The following SLC22A24 variants were observed in gnomAD, a reference collection of about 807,000 sequenced individuals.
SLC22A24 encodes the protein steroid transmembrane transporter SLC22A24.
Under a neutral mutation model 49.8 loss-of-function variants are expected in SLC22A24, and 53 were observed. The observed-to-expected ratio is 1.06, with a 90% confidence interval of 0.85 to 1.34. The LOEUF (loss-of-function observed/expected upper bound fraction) is 1.34, where lower values mean the gene tolerates loss of function less well. SLC22A24 is among the 40% of genes most tolerant of loss of function. SLC22A24 has a pLI of 0.00. For missense variants in SLC22A24, 786 were observed against 675.9 expected (o/e 1.16, Z -1.81); for synonymous variants, 302 against 256.4 (o/e 1.18, Z -1.70).
chr11:63,104,079 G>A, intron 5 of SLC22A24, 96 bp downstream of exon 5: 1 of 1,287,066 alleles, frequency 7.8e-7, no homozygotes. Context: ...TCCACTCACA[G>A]AAGTCTAATT....
chr11:63,119,044 G>T lies in SLC22A24; in HGVS notation c.698C>A (p.Thr233Lys). The change falls in exon 4 of 10, where the codon ACA (threonine) becomes AAA (lysine). Residue 233 changes from threonine (T) to lysine (K), a missense_variant. Coordinates refer to ENST00000612278, the MANE Select transcript of SLC22A24 (RefSeq NM_001136506.2). ...GTAGGAACATAATAGCACCATTATTGTCATAGATCGTGACCGGGGCAATGT... is the reference window on the plus strand; with the variant it reads ...GTAGGAACATAATAGCACCATTATTTTCATAGATCGTGACCGGGGCAATGT... ...EWTLPRSRSM[T>K]IMVLLCSYSV... 1 of 1,551,058 alleles carries T rather than the reference G, an allele frequency of 6.4e-7. No individual in the cohort carries two copies.
chr11:63,107,402 C>T (rs1398731221), intron 4 of SLC22A24, among the ~76,000 whole-genome samples: 2 of 152,214 alleles, frequency 1.3e-5, no homozygotes, highest in South Asian at 2.1e-4. Context: ...TTAGGATTGT[C>T]TTGGCAATGT....
chr11:63,115,689 C>T (rs1172225494), intron 4 of SLC22A24, among the ~76,000 whole-genome samples: 1 of 152,174 alleles, frequency 6.6e-6, no homozygotes, highest in Non-Finnish European at 1.5e-5. Context: ...TCCTATTCGA[C>T]CATCTTGGAA....
intron 6 of SLC22A24, among the ~76,000 whole-genome samples, chr11:63,088,371 A>AACATCAACAT (rs2086999745): frequency 6.6e-6 from 1 of 151,016 alleles, no homozygotes; most frequent in Non-Finnish European, 1.5e-5. Context: ...ACAGAAAGCT[A>AACATCAACAT]CAACATCAAC....
At chr11:63,135,824 T>C (rs568837770) in intron 1 of SLC22A24, among the ~76,000 whole-genome samples, 16 of 152,282 alleles carry the variant, frequency 1.1e-4, no homozygotes, top group African/African-American at 3.9e-4. Context: ...CTAATGAACA[T>C]ACAGTGCAGT....
chr11:63,134,601 C>A, intron 2 of SLC22A24, 64 bp downstream of exon 2: 2 of 980,924 alleles, frequency 2.0e-6, no homozygotes, highest in South Asian at 1.5e-5. Flanking sequence ...GTAAATATTT[C>A]TAAAATAAAG....
chr11:63,101,744 A>G (rs2087092487), intron 5 of SLC22A24, among the ~76,000 whole-genome samples: 1 of 152,146 alleles, frequency 6.6e-6, no homozygotes, highest in South Asian at 2.1e-4. Flanking sequence ...TACATGGAGT[A>G]CTATTCAGCC....
At chr11:63,125,652 T>C (rs2087285170) in intron 2 of SLC22A24, among the ~76,000 whole-genome samples, 1 of 152,230 alleles carries the variant, frequency 6.6e-6, no homozygotes, top group Non-Finnish European at 1.5e-5. Flanking sequence ...GCATGATTTA[T>C]AATCCTTTGG....
chr11:63,135,014 CAT>C (rs2087363790), intron 1 of SLC22A24, among the ~76,000 whole-genome samples: 2 of 152,182 alleles, frequency 1.3e-5, no homozygotes, highest in South Asian at 2.1e-4. Context: ...TATATATCCA[CAT>C]GTCTACAAGT....
intron 5 of SLC22A24, among the ~76,000 whole-genome samples, chr11:63,101,289 C>T (rs1051457004): frequency 2.6e-5 from 4 of 151,802 alleles, no homozygotes; most frequent in Non-Finnish European, 1.5e-5. Context: ...ACCATATGAT[C>T]CAGCAATGTT....
intron 6 of SLC22A24, among the ~76,000 whole-genome samples, chr11:63,091,797 T>C (rs2087021926): frequency 6.6e-6 from 1 of 151,858 alleles, no homozygotes; most frequent in South Asian, 2.1e-4. Flanking sequence ...CCATAGCCAA[T>C]ATCATTCTAA....
At chr11:63,142,900 C>A (rs1179591089) in intron 1 of SLC22A24, among the ~76,000 whole-genome samples, 1 of 152,138 alleles carries the variant, frequency 6.6e-6, no homozygotes, top group Non-Finnish European at 1.5e-5. Context: ...AGTAATAAAA[C>A]TCTGGCCTCC....
chr11:63,089,248 G>T (rs1051315730), intron 6 of SLC22A24, among the ~76,000 whole-genome samples: 1 of 152,198 alleles, frequency 6.6e-6, no homozygotes, highest in Non-Finnish European at 1.5e-5. Flanking sequence ...CAAGCCAGAA[G>T]AGAGTGGGGG....
At position 63,119,212 on chromosome 11, in the gene SLC22A24, G is replaced by T. The variant is rs2087234038; in HGVS notation, c.630C>A (p.Thr210=). 6.5e-7 allele frequency: 1 copy of T among 1,548,222 alleles called. No individual in the cohort carries two copies. Among genetic ancestry groups the T allele is most frequent in the Non-Finnish European group, 8.7e-7 (1 of 1,145,958 alleles). The stretch of plus-strand genomic sequence containing the variant: ...TAAAAGTGTTTCCCAAAATAGTCAT[G>T]GTGGAGAACCCTGCCAAGAAGCGCA... ...CILRFLAGFS[T]MTILGNTFIL... is the part of the protein sequence containing the mutation. The change falls in exon 3 of 10, where the codon ACC becomes ACA. Residue 210 remains threonine (T), a synonymous_variant. Transcript: ENST00000612278.
chr11:63,112,904 A>C (rs1181340735), intron 4 of SLC22A24, among the ~76,000 whole-genome samples: 1 of 148,556 alleles, frequency 6.7e-6, no homozygotes, highest in Admixed American at 6.8e-5. Flanking sequence ...AGTCCCAGCT[A>C]CTCAGGAGGC....
At position 63,114,690 on chromosome 11, in the gene SLC22A24, G is replaced by A. The variant is rs533993751; in HGVS notation, c.830+4222C>T. 1.1e-4 allele frequency among the ~76,000 whole-genome samples: 17 copies of A among 152,278 alleles called. No homozygotes were observed. In the East Asian group the frequency reaches 2.1e-3, roughly 19 times the overall value. ...TGCTCTGTTTTCTCCCCATCTTTGT[G>A]GTTTTATCTACCTTTGGTCTTTGAT... On this transcript the variant is annotated intron_variant, in intron 4 of 9. Transcript: ENST00000612278.
intron 5 of SLC22A24, among the ~76,000 whole-genome samples, chr11:63,100,640 GT>G (rs1314226730): frequency 1.3e-5 from 2 of 152,058 alleles, no homozygotes; most frequent in African/African-American, 4.8e-5. Flanking sequence ...GAGGAATCAT[GT>G]TACCTGGCTC....
At chr11:63,096,157 C>G in intron 5 of SLC22A24, 51 bp from the exon 6 acceptor site, 3 of 1,195,474 alleles carry the variant, frequency 2.5e-6, no homozygotes, top group Non-Finnish European at 3.6e-6. Flanking sequence ...AATAATGTGT[C>G]AGGCATAGTG....
chr11:63,087,753 G>T (rs150211619), intron 6 of SLC22A24, among the ~76,000 whole-genome samples: 2 of 152,128 alleles, frequency 1.3e-5, no homozygotes, highest in African/African-American at 4.8e-5. Context: ...AGGGGTGTGC[G>T]CCATTCCTGA....
Sources: gnomAD v4.1 joint callset for allele counts (sites outside exome capture counted in the v4.1 genomes callset) on GRCh38, gnomAD v4.1.1 for gene constraint, MANE v1.5 for transcripts, NCBI Gene and HGNC (gene_info 2026-07-23, HGNC 2026-07-21) for gene names.